Variants in TLK1 observed in about 807,000 individuals in gnomAD.
The protein encoded by TLK1 is tousled like kinase 1.
In TLK1, 24 loss-of-function variants were observed where a neutral mutation model predicts 105.3. The ratio of observed to expected loss-of-function variants is 0.23; its 90% CI spans 0.17 to 0.32. TLK1 has a LOEUF of 0.32. TLK1 is among the 10% of genes least tolerant of loss of function. The pLI is 1.00. For synonymous variants in TLK1, 321 were observed against 310.4 expected (o/e 1.03, Z -0.36); for missense variants, 558 against 910.5 (o/e 0.61, Z 4.98).
intron 1 of TLK1, among the ~76,000 whole-genome samples, chr2:171,123,055 A>ACACAC (rs1558954550): frequency 2.5e-5 from 2 of 79,244 alleles, no homozygotes; most frequent in Non-Finnish European, 4.6e-5. Flanking sequence ...TAAATAAATA[A>ACACAC]ATACACACAC....
At chr2:171,214,337 G>C (rs1161470107) in intron 1 of TLK1, among the ~76,000 whole-genome samples, 2 of 152,230 alleles carry the variant, frequency 1.3e-5, no homozygotes, top group Admixed American at 1.3e-4. Flanking sequence ...TCTACAATGG[G>C]GTCTAGATAA....
chr2:171,099,571 G>C (rs964255146), intron 2 of TLK1, among the ~76,000 whole-genome samples: 1 of 152,144 alleles, frequency 6.6e-6, no homozygotes, highest in South Asian at 2.1e-4. Flanking sequence ...AAAAAGAACA[G>C]AGTTGGAGGA....
chr2:171,107,796 G>C (rs1429699885), intron 2 of TLK1, among the ~76,000 whole-genome samples: 3 of 151,962 alleles, frequency 2.0e-5, no homozygotes, highest in Non-Finnish European at 4.4e-5. Flanking sequence ...CAGTGGCTCA[G>C]GCCTGTAATT....
chr2:171,080,496 G>T (rs1339737736), intron 3 of TLK1, among the ~76,000 whole-genome samples: 1 of 148,714 alleles, frequency 6.7e-6, no homozygotes, highest in East Asian at 2.0e-4. Flanking sequence ...GATAAAACCT[G>T]GGAATCATTT....
chr2:171,195,626 T>C (rs1016262785), intron 1 of TLK1, among the ~76,000 whole-genome samples: 6 of 152,216 alleles, frequency 3.9e-5, no homozygotes, highest in African/African-American at 1.4e-4. Context: ...AAGTATATTG[T>C]TACTAAATCA....
At chr2:171,121,358 CCT>C (rs1690645287) in intron 1 of TLK1, among the ~76,000 whole-genome samples, 1 of 152,064 alleles carries the variant, frequency 6.6e-6, no homozygotes, top group South Asian at 2.1e-4. Context: ...GTGGCAAAAC[CCT>C]GTCTCTACAA....
chr2:171,029,894 C>T (rs902395247), intron 11 of TLK1, among the ~76,000 whole-genome samples: 2 of 152,138 alleles, frequency 1.3e-5, no homozygotes, highest in Admixed American at 1.3e-4. Flanking sequence ...TACAGGCACA[C>T]GCCACCATGC....
chr2:171,001,890 C>T (rs1271084511), intron 18 of TLK1, among the ~76,000 whole-genome samples: 2 of 152,044 alleles, frequency 1.3e-5, no homozygotes, highest in African/African-American at 4.8e-5. Flanking sequence ...AAGCAATTCT[C>T]CTGCCTCAGC....
At chr2:171,093,491 A>G (rs1268646962) in intron 2 of TLK1, among the ~76,000 whole-genome samples, 1 of 152,194 alleles carries the variant, frequency 6.6e-6, no homozygotes, top group Non-Finnish European at 1.5e-5. Context: ...TGTTCAAAGG[A>G]AAGATGTGAA....
intron 2 of TLK1, among the ~76,000 whole-genome samples, chr2:171,092,802 A>G (rs1053943744): frequency 1.3e-5 from 2 of 152,254 alleles, no homozygotes; most frequent in African/African-American, 2.4e-5. Flanking sequence ...CTTACACATG[A>G]GTACTTTAAA....
chr2:171,149,099 C>CTTTTT (rs11335300), intron 1 of TLK1, among the ~76,000 whole-genome samples: 612 of 56,706 alleles, frequency 0.011, no homozygotes, highest in Middle Eastern at 0.036. Flanking sequence ...AATTACTTTT[C>CTTTTT]TTTTTTTTTT....
chr2:171,074,018 G>T (rs2105465594), intron 3 of TLK1, among the ~76,000 whole-genome samples: 1 of 152,050 alleles, frequency 6.6e-6, no homozygotes, highest in Admixed American at 6.6e-5. Flanking sequence ...AGCCTCCTGA[G>T]TAGCTGGTAT....
At chr2:171,149,098 T>C (rs1394841583) in intron 1 of TLK1, among the ~76,000 whole-genome samples, 2 of 127,342 alleles carry the variant, frequency 1.6e-5, no homozygotes, top group Non-Finnish European at 3.3e-5. Flanking sequence ...GAATTACTTT[T>C]CTTTTTTTTT....
intron 1 of TLK1, among the ~76,000 whole-genome samples, chr2:171,181,540 G>C (rs1050190862): frequency 1.1e-4 from 17 of 152,136 alleles, no homozygotes; most frequent in Admixed American, 7.2e-4. Flanking sequence ...CAAGAAGCAT[G>C]GTGTCAGCAT....
At chr2:171,140,993 G>T (rs948980724) in intron 1 of TLK1, among the ~76,000 whole-genome samples, 1 of 152,146 alleles carries the variant, frequency 6.6e-6, no homozygotes, top group Non-Finnish European at 1.5e-5. Flanking sequence ...GAGTCTGATG[G>T]CATATTAGAC....
intron 1 of TLK1, among the ~76,000 whole-genome samples, chr2:171,195,517 AAAAAAC>A (rs1406422447): frequency 6.6e-6 from 1 of 151,616 alleles, no homozygotes; most frequent in Non-Finnish European, 1.5e-5. Context: ...AAAAAAAAAA[AAAAAAC>A]ATAATCCACC....
At chr2:170,995,225 G>A (rs566915603) in intron 20 of TLK1, among the ~76,000 whole-genome samples, 15 of 152,176 alleles carry the variant, frequency 9.9e-5, no homozygotes, top group South Asian at 6.2e-4. Context: ...GCAAGGTTAA[G>A]GTTAAGTCTG....
chr2:171,013,374 C>T (rs1352905752), intron 13 of TLK1, among the ~76,000 whole-genome samples: 1 of 124,272 alleles, frequency 8.0e-6, no homozygotes, highest in Non-Finnish European at 1.6e-5. Context: ...GTCAATCAGG[C>T]TGGACTGCGA....
At chr2:171,019,866 T>C (rs531808458) in intron 12 of TLK1, among the ~76,000 whole-genome samples, 39 of 152,240 alleles carry the variant, frequency 2.6e-4, no homozygotes, top group South Asian at 2.3e-3. Context: ...GAGACCAGCC[T>C]GGCCAACATG....
Sources: gnomAD v4.1 joint callset for allele counts (sites outside exome capture counted in the v4.1 genomes callset) on GRCh38, gnomAD v4.1.1 for gene constraint, MANE v1.5 for transcripts, NCBI Gene and HGNC (gene_info 2026-07-23, HGNC 2026-07-21) for gene names.